Variants in RARB observed in about 807,000 individuals in gnomAD.
RARB encodes retinoic acid receptor beta, also known as HBV-activated protein.
In RARB, 17 loss-of-function variants were observed where a neutral mutation model predicts 51.9. The ratio of observed to expected loss-of-function variants is 0.33; its 90% CI spans 0.22 to 0.49. The LOEUF is 0.49. Among genes scored for constraint, RARB ranks in the 20% least tolerant of loss-of-function variants. The pLI is 0.99. For missense variants in RARB, 369 were observed against 550.8 expected (o/e 0.67, Z 3.30); for synonymous variants, 215 against 195.4 (o/e 1.10, Z -0.84).
intron 5 of RARB, among the ~76,000 whole-genome samples, chr3:25,323,411 G>A (rs888243122): frequency 1.3e-5 from 2 of 152,188 alleles, no homozygotes; most frequent in Non-Finnish European, 2.9e-5. Context: ...AGCAACAGGT[G>A]AATTTTTCCA....
chr3:25,266,419 C>A (rs1363840160), intron 5 of RARB, among the ~76,000 whole-genome samples: 1 of 151,954 alleles, frequency 6.6e-6, no homozygotes, highest in Non-Finnish European at 1.5e-5. Flanking sequence ...TTGTTGACCT[C>A]AATTATTTAT....
At chr3:24,889,082 G>A (rs1274850529) in intron 2 of RARB, among the ~76,000 whole-genome samples, 2 of 152,208 alleles carry the variant, frequency 1.3e-5, no homozygotes, top group Non-Finnish European at 2.9e-5. Context: ...TGAGAGCAAT[G>A]CACTGTCCCC....
At chr3:25,360,673 G>A (rs1326581544) in intron 5 of RARB, among the ~76,000 whole-genome samples, 1 of 152,136 alleles carries the variant, frequency 6.6e-6, no homozygotes, top group Non-Finnish European at 1.5e-5. Context: ...CAGGCCTGGT[G>A]GTGACAAAAT....
intron 5 of RARB, among the ~76,000 whole-genome samples, chr3:25,345,128 C>A (rs1338351356): frequency 6.6e-6 from 1 of 152,032 alleles, no homozygotes; most frequent in Non-Finnish European, 1.5e-5. Flanking sequence ...TAGGTCAAGC[C>A]CAGACTCAGG....
chr3:25,317,653 A>G, intron 5 of RARB, among the ~76,000 whole-genome samples: 1 of 152,164 alleles, frequency 6.6e-6, no homozygotes. Context: ...TACAGGACAC[A>G]GTTTTCTTGC....
At chr3:24,875,274 C>T (rs1351408717) in intron 2 of RARB, among the ~76,000 whole-genome samples, 2 of 152,108 alleles carry the variant, frequency 1.3e-5, no homozygotes, top group Non-Finnish European at 2.9e-5. Context: ...GAAATCTCTG[C>T]TGTATTCAGG....
intron 4 of RARB, among the ~76,000 whole-genome samples, chr3:25,572,358 G>C (rs998354713): frequency 3.9e-5 from 6 of 152,188 alleles, no homozygotes; most frequent in African/African-American, 1.4e-4. Flanking sequence ...TAGGGACCAT[G>C]CTAAGTACTA....
At chr3:25,471,469 A>C (rs149282817) in intron 2 of RARB, among the ~76,000 whole-genome samples, 1 of 152,084 alleles carries the variant, frequency 6.6e-6, no homozygotes, top group Non-Finnish European at 1.5e-5. Flanking sequence ...TCTTCTAACA[A>C]ATTGAGAACT....
In RARB at chr3:25,532,012, G is replaced by A. The variant is rs978091411; in HGVS notation, c.448+30689G>A. On this transcript the variant is annotated intron_variant, in intron 3 of 7. Coordinates refer to ENST00000330688, the MANE Select transcript of RARB (RefSeq NM_000965.5). The stretch of plus-strand genomic sequence containing the variant: ...TGGGGGTGGGGAGGGGAGATTTTGA[G>A]CTGTGCAGTTTTAATGAAATGTTTA... 4.6e-5 allele frequency among the ~76,000 whole-genome samples: 7 copies of A among 152,206 alleles called. No individual in the cohort carries two copies. In the East Asian group the frequency reaches 7.7e-4, roughly 17 times the overall value.
intron 2 of RARB, among the ~76,000 whole-genome samples, chr3:24,955,326 G>A (rs1228178353): frequency 6.6e-6 from 1 of 152,048 alleles, no homozygotes; most frequent in Non-Finnish European, 1.5e-5. Flanking sequence ...TCAGCCACTT[G>A]TCTCTTTGCC....
At chr3:25,274,506 G>GT (rs1373086565) in intron 5 of RARB, among the ~76,000 whole-genome samples, 3 of 152,194 alleles carry the variant, frequency 2.0e-5, no homozygotes, top group Admixed American at 1.3e-4. Flanking sequence ...GGACTGCTGA[G>GT]TAAAAAGATG....
chr3:25,099,115 T>A (rs781643706), intron 3 of RARB, among the ~76,000 whole-genome samples: 60 of 152,212 alleles, frequency 3.9e-4, no homozygotes, highest in Middle Eastern at 3.4e-3. Context: ...GATTAAGTAG[T>A]TATGAGTGAG....
chr3:25,142,753 G>A (rs1700129432), intron 4 of RARB, among the ~76,000 whole-genome samples: 1 of 152,080 alleles, frequency 6.6e-6, no homozygotes. Flanking sequence ...GAAACCAAGA[G>A]CAGAGCAGTC....
intron 3 of RARB, among the ~76,000 whole-genome samples, chr3:25,562,082 A>T (rs1371601529): frequency 1.3e-5 from 2 of 152,174 alleles, no homozygotes; most frequent in Non-Finnish European, 2.9e-5. Context: ...CCTGAACCTT[A>T]GACTGTCAGC....
At chr3:25,349,134 C>T (rs902557292) in intron 5 of RARB, among the ~76,000 whole-genome samples, 8 of 152,280 alleles carry the variant, frequency 5.3e-5, no homozygotes, top group East Asian at 1.9e-4. Context: ...CCAATGAAGG[C>T]GGAAAGGGCT....
rs1012210325 is a variant in RARB at position 24,956,993 on chromosome 3, T to C, written c.-380+98241T>C. Among the ~76,000 whole-genome samples the C allele has an allele frequency of 4.5e-4, 68 of 152,216 alleles. 1 individual carries two copies. Among genetic ancestry groups the C allele is most frequent in the Non-Finnish European group, 1.9e-4 (13 of 68,042 alleles). On this transcript the variant is annotated intron_variant, in intron 2 of 11. Transcript: ENST00000383772. Reference sequence around the variant, plus strand: ...GATGCTATTTTGAATTGTTCAGAATTGAGGCAAAGGGGTGATCCTCTGTAT... The same window carrying C: ...GATGCTATTTTGAATTGTTCAGAATCGAGGCAAAGGGGTGATCCTCTGTAT...
chr3:24,958,147 T>C lies in RARB; in HGVS notation c.-380+99395T>C, dbSNP rs1256060815. Among the ~76,000 whole-genome samples the C allele has an allele frequency of 7.3e-5, 11 of 151,700 alleles. No individual in the cohort carries two copies. In the South Asian group the frequency reaches 8.3e-4, roughly 12 times the overall value. ...GGAGCCCTAGATCAGCAGCTTTTGATAGTTAGATTTTTGAACTCTCAAAGG... is the reference window on the plus strand; with the variant it reads ...GGAGCCCTAGATCAGCAGCTTTTGACAGTTAGATTTTTGAACTCTCAAAGG... On this transcript the variant is annotated intron_variant, in intron 2 of 11. Transcript: ENST00000383772.
At chr3:25,480,672 AGTT>A (rs1231353391) in intron 2 of RARB, among the ~76,000 whole-genome samples, 2 of 152,180 alleles carry the variant, frequency 1.3e-5, no homozygotes, top group South Asian at 2.1e-4. Flanking sequence ...CCCATTGAGA[AGTT>A]GTTATTTATT....
chr3:25,145,462 C>T (rs566467935), intron 4 of RARB, among the ~76,000 whole-genome samples: 19 of 151,836 alleles, frequency 1.3e-4, no homozygotes, highest in Non-Finnish European at 5.9e-5. Context: ...CTTAGAGCTT[C>T]AGCTTATAGA....
Sources: allele counts gnomAD v4.1 joint callset (sites outside exome capture counted in the v4.1 genomes callset), GRCh38; gene constraint gnomAD v4.1.1; transcripts MANE v1.5; gene names NCBI Gene and HGNC (gene_info 2026-07-23, HGNC 2026-07-21).